Variants in CDH11 observed in about 807,000 individuals in gnomAD.
The protein encoded by CDH11 is cadherin 11.
Under a neutral mutation model 67.8 loss-of-function variants are expected in CDH11, and 11 were observed. The observed-to-expected ratio is 0.16, with a 90% CI of 0.10 to 0.27. The LOEUF is 0.27. Among genes scored for constraint, CDH11 ranks in the 10% least tolerant of loss-of-function variants. The pLI, the probability that CDH11 is intolerant of heterozygous loss-of-function variation, is 1.00. For synonymous variants in CDH11, 419 were observed against 400.0 expected (o/e 1.05, Z -0.57); for missense variants, 847 against 1,031.2 (o/e 0.82, Z 2.45).
chr16:65,090,472 A>C (rs534433961), intron 1 of CDH11, among the ~76,000 whole-genome samples: 1 of 152,114 alleles, frequency 6.6e-6, no homozygotes, highest in Non-Finnish European at 1.5e-5. Context: ...CCCCATCTGC[A>C]TCTTGATGAT....
chr16:64,998,413 G>A (rs776909184), intron 4 of CDH11, 149 bp downstream of exon 4: 170 of 738,164 alleles, frequency 2.3e-4, no homozygotes, highest in Middle Eastern at 4.0e-4. Flanking sequence ...ATTTTACAGA[G>A]GAACAAAAGA....
At chr16:64,988,079 G>T in intron 7 of CDH11, 78 bp downstream of exon 7, 1 of 1,151,774 alleles carries the variant, frequency 8.7e-7, no homozygotes, top group Non-Finnish European at 1.2e-6. Context: ...CTTAACCGTC[G>T]CCTCCCTGTT....
intron 3 of CDH11, among the ~76,000 whole-genome samples, chr16:65,000,555 G>A (rs952536905): frequency 2.0e-5 from 3 of 152,184 alleles, no homozygotes; most frequent in African/African-American, 7.2e-5. Context: ...TCAGCACTTT[G>A]GGACGCTGAG....
In CDH11 at chr16:65,004,734, G is replaced by C; in HGVS notation, c.136C>G (p.Gln46Glu). 1.2e-6 allele frequency: 2 copies of C among 1,613,840 alleles called. No homozygotes were observed. Among genetic ancestry groups the C allele is most frequent in the South Asian group, 1.1e-5 (1 of 91,052 alleles). The change falls in exon 3 of 13, where the codon CAG becomes GAG. Residue 46 changes from glutamine (Q) to glutamate (E), a missense_variant. Physicochemically the swap from Gln to Glu is conservative, Grantham distance 29. Around this residue, in one of 2 missense-constraint regions of CDH11, gnomAD observed 235 missense variants for 352.5 expected, o/e 0.67. Coordinates refer to ENST00000268603, the MANE Select transcript of CDH11 (RefSeq NM_001797.4). ...CCACGCTTGGAGCGCTGTAGCACCT[G>C]CCCCTCCTTGCCCTTCTCATGGTGC... ...HGHHEKGKEG[Q>E]VLQRSKRGWV...
At chr16:65,071,715 A>G (rs1038439782) in intron 1 of CDH11, among the ~76,000 whole-genome samples, 5 of 152,252 alleles carry the variant, frequency 3.3e-5, no homozygotes, top group African/African-American at 1.2e-4. Context: ...ATGCGGATCA[A>G]CAGTCCAGGC....
intron 12 of CDH11, among the ~76,000 whole-genome samples, chr16:64,948,393 A>G (rs1567480476): frequency 6.6e-6 from 1 of 152,202 alleles, no homozygotes; most frequent in Non-Finnish European, 1.5e-5. Flanking sequence ...CATCTTCCTA[A>G]GAACTAGGAA....
chr16:65,122,788 C>T (rs900175966), upstream of CDH11, among the ~76,000 whole-genome samples: 2 of 152,122 alleles, frequency 1.3e-5, no homozygotes, highest in African/African-American at 4.8e-5. Context: ...CCCCACGCAA[C>T]GCCTCGGAGA....
chr16:65,050,136 G>A (rs924471161), intron 2 of CDH11, among the ~76,000 whole-genome samples: 16 of 152,150 alleles, frequency 1.1e-4, no homozygotes, highest in African/African-American at 3.4e-4. Flanking sequence ...ACTTCTCCAA[G>A]ATGTTCATTT....
intron 1 of CDH11, among the ~76,000 whole-genome samples, chr16:65,097,765 A>G (rs2074924924): frequency 6.6e-6 from 1 of 152,176 alleles, no homozygotes; most frequent in Admixed American, 6.5e-5. Flanking sequence ...CTCTCCCACA[A>G]CACATGGGAT....
intron 1 of CDH11, among the ~76,000 whole-genome samples, chr16:65,064,876 G>A (rs1310220826): frequency 6.6e-6 from 1 of 152,186 alleles, no homozygotes; most frequent in Non-Finnish European, 1.5e-5. Context: ...GACAAAACCT[G>A]AATGACTGAG....
intron 1 of CDH11, among the ~76,000 whole-genome samples, chr16:65,063,345 C>G (rs536809707): frequency 3.2e-4 from 49 of 152,042 alleles, no homozygotes; most frequent in African/African-American, 1.1e-3. Context: ...AGAGAAAAAA[C>G]AAACAAACGA....
chr16:64,957,631 CA>C (rs1374943681), intron 11 of CDH11, among the ~76,000 whole-genome samples: 6 of 143,570 alleles, frequency 4.2e-5, no homozygotes, highest in East Asian at 2.0e-4. Context: ...CACACACACA[CA>C]CCCATCCATA....
intron 4 of CDH11, among the ~76,000 whole-genome samples, chr16:64,997,299 C>A (rs1376759784): frequency 2.5e-5 from 1 of 40,406 alleles, no homozygotes. Context: ...GACTCTGTCT[C>A]AAAATAAATA....
chr16:64,988,836 T>G (rs1348522000), intron 6 of CDH11, among the ~76,000 whole-genome samples: 1 of 152,122 alleles, frequency 6.6e-6, no homozygotes, highest in Admixed American at 6.6e-5. Context: ...CATCCCTCCC[T>G]GTCTAACTCT....
chr16:64,957,996 C>T (rs1009004297), intron 11 of CDH11, among the ~76,000 whole-genome samples: 5 of 152,088 alleles, frequency 3.3e-5, no homozygotes, highest in African/African-American at 1.2e-4. Flanking sequence ...TGTGTGTACA[C>T]CTCTATTTTC....
chr16:65,100,596 G>T (rs1019397498), intron 1 of CDH11, among the ~76,000 whole-genome samples: 4 of 151,890 alleles, frequency 2.6e-5, no homozygotes, highest in Non-Finnish European at 5.9e-5. Context: ...AAATTAGCCG[G>T]GCGTCGTGGC....
intron 1 of CDH11, among the ~76,000 whole-genome samples, chr16:65,110,047 T>C (rs2075130285): frequency 6.6e-6 from 1 of 152,152 alleles, no homozygotes; most frequent in Admixed American, 6.5e-5. Flanking sequence ...ATTTTTGTAT[T>C]TTTTGTAAAG....
chr16:65,101,524 TTTTTA>T (rs2074991670), intron 1 of CDH11, among the ~76,000 whole-genome samples: 1 of 152,280 alleles, frequency 6.6e-6, no homozygotes, highest in Non-Finnish European at 1.5e-5. Context: ...TTCTTCCTCA[TTTTTA>T]TTTTTTCTAT....
chr16:65,075,780 T>C (rs1468010201), intron 1 of CDH11, among the ~76,000 whole-genome samples: 1 of 152,156 alleles, frequency 6.6e-6, no homozygotes, highest in Non-Finnish European at 1.5e-5. Flanking sequence ...ACACCAACTC[T>C]CTCCCAAATA....
Sources: allele counts gnomAD v4.1 joint callset (sites outside exome capture counted in the v4.1 genomes callset), GRCh38; gene constraint gnomAD v4.1.1; regional missense constraint gnomAD v4.1.1; transcripts MANE v1.5; gene names NCBI Gene and HGNC (gene_info 2026-07-23, HGNC 2026-07-21).